The following SGCZ variants were observed in gnomAD, a reference collection of about 807,000 sequenced individuals.
SGCZ encodes sarcoglycan zeta, also known as zeta-sarcoglycan.
Under a neutral mutation model 41.3 loss-of-function variants are expected in SGCZ, and 40 were observed. That is an observed-to-expected ratio of 0.97 (90% confidence interval 0.75 to 1.26). The LOEUF (loss-of-function observed/expected upper bound fraction) is 1.26. SGCZ is among the 50% of genes most tolerant of loss of function. SGCZ has a pLI of 0.00. For synonymous variants in SGCZ, 206 were observed against 137.5 expected, an observed-to-expected ratio of 1.50 and a Z score of -3.49; for missense variants, 552 against 369.8, an observed-to-expected ratio of 1.49 and a Z score of -4.04.
intron 1 of SGCZ, among the ~76,000 whole-genome samples, chr8:14,663,371 G>A (rs940737772): frequency 6.6e-6 from 1 of 152,060 alleles, no homozygotes; most frequent in Non-Finnish European, 1.5e-5. Flanking sequence ...TAGGTGTTAT[G>A]TGGAAACTAT....
At chr8:15,141,093 T>C (rs1358223734) in intron 1 of SGCZ, among the ~76,000 whole-genome samples, 3 of 152,270 alleles carry the variant, frequency 2.0e-5, no homozygotes, top group African/African-American at 4.8e-5. Flanking sequence ...TATGTAATTT[T>C]CACCTTGTTG....
intron 2 of SGCZ, among the ~76,000 whole-genome samples, chr8:14,326,352 A>G (rs904987801): frequency 2.6e-5 from 4 of 152,082 alleles, no homozygotes; most frequent in African/African-American, 9.7e-5. Flanking sequence ...GTAGAATTAT[A>G]TAACATTATG....
intron 4 of SGCZ, among the ~76,000 whole-genome samples, chr8:14,225,223 T>TA (rs1806331389): frequency 6.6e-6 from 1 of 152,148 alleles, no homozygotes; most frequent in African/African-American, 2.4e-5. Flanking sequence ...TTAAGAAGGT[T>TA]ACTCATAGCA....
chr8:15,060,023 C>T (rs1030552984), intron 1 of SGCZ, among the ~76,000 whole-genome samples: 1 of 152,166 alleles, frequency 6.6e-6, no homozygotes, highest in Non-Finnish European at 1.5e-5. Flanking sequence ...AGGCCATTCT[C>T]AGGGCTTTGT....
chr8:14,458,606 C>T (rs1800814700), intron 2 of SGCZ, among the ~76,000 whole-genome samples: 1 of 152,080 alleles, frequency 6.6e-6, no homozygotes, highest in Admixed American at 6.6e-5. Context: ...CAGATAAATA[C>T]ATAGATAAGG....
chr8:14,852,628 C>T (rs1451955304), intron 1 of SGCZ, among the ~76,000 whole-genome samples: 3 of 152,132 alleles, frequency 2.0e-5, no homozygotes, highest in South Asian at 4.1e-4. Flanking sequence ...TTTCCCTGCA[C>T]GCCAGATGCC....
chr8:14,872,572 G>A (rs116812128), intron 1 of SGCZ, among the ~76,000 whole-genome samples: 4,317 of 152,092 alleles, frequency 0.028, 68 homozygotes, highest in Middle Eastern at 0.048. Flanking sequence ...TTCTTTATGA[G>A]CAGAATGCAA....
chr8:14,376,904 G>C (rs576551788), intron 2 of SGCZ, among the ~76,000 whole-genome samples: 1 of 152,122 alleles, frequency 6.6e-6, no homozygotes, highest in Non-Finnish European at 1.5e-5. Flanking sequence ...ATATACCACA[G>C]TGTGATAATA....
chr8:14,270,366 G>T lies in SGCZ; in HGVS notation c.337-32687C>A, dbSNP rs539093865. Among the ~76,000 whole-genome samples, 4 of 151,914 alleles carry T rather than the reference G, an allele frequency of 2.6e-5. No homozygotes were observed. The South Asian group carries it at 6.2e-4, about 24-fold the overall frequency. On this transcript the variant is annotated intron_variant, in intron 3 of 7. Transcript: ENST00000382080. ...ATTAATTAAAAAATTAAATCTAAACGATATGTACAAATTTTACACTTAAGG... is the reference window on the plus strand; with the variant it reads ...ATTAATTAAAAAATTAAATCTAAACTATATGTACAAATTTTACACTTAAGG...
At chr8:14,614,863 T>A (rs146311130) in intron 1 of SGCZ, among the ~76,000 whole-genome samples, 2,003 of 152,258 alleles carry the variant, frequency 0.013, 40 homozygotes, top group African/African-American at 0.045. Flanking sequence ...ATATGTAATG[T>A]TGATGACTAA....
intron 1 of SGCZ, among the ~76,000 whole-genome samples, chr8:15,171,235 G>A (rs773065530): frequency 1.3e-5 from 2 of 152,020 alleles, no homozygotes; most frequent in African/African-American, 4.8e-5. Flanking sequence ...AATCATCATC[G>A]AAGTATATTT....
rs1419856483 is a variant in SGCZ, at chr8:14,528,847, A to T, written c.234+25885T>A. Among the ~76,000 whole-genome samples, 84 of 149,686 alleles carry T rather than the reference A, an allele frequency of 5.6e-4. 2 individuals are homozygous for T. The highest frequency in any genetic ancestry group is 4.9e-3 in the Admixed American group (74 of 15,124). ...CCAGCCAAAAAAAAAACAAAACAAA[A>T]ACAAAAAAAGAGAAAGTGCCAAAAT... On this transcript the variant is annotated intron_variant, in intron 2 of 7. Transcript: ENST00000382080.
At chr8:14,137,541 T>C (rs1275235891) in intron 5 of SGCZ, among the ~76,000 whole-genome samples, 3 of 152,132 alleles carry the variant, frequency 2.0e-5, no homozygotes, top group African/African-American at 7.2e-5. Flanking sequence ...TGCACAAGCT[T>C]CTGTAGATGA....
At chr8:14,150,808 G>A (rs761830942) in intron 5 of SGCZ, among the ~76,000 whole-genome samples, 1 of 152,118 alleles carries the variant, frequency 6.6e-6, no homozygotes, top group African/African-American at 2.4e-5. Context: ...TAAAGAAAAT[G>A]TGGTCCATAT....
chr8:14,713,263 T>C (rs1011021636), intron 1 of SGCZ, among the ~76,000 whole-genome samples: 2 of 152,192 alleles, frequency 1.3e-5, no homozygotes, highest in African/African-American at 4.8e-5. Flanking sequence ...CAAATTAAAA[T>C]TCAAAAACTT....
At chr8:15,211,048 G>GAT (rs1554478394) in intron 1 of SGCZ, among the ~76,000 whole-genome samples, 21 of 142,856 alleles carry the variant, frequency 1.5e-4, no homozygotes, top group South Asian at 8.8e-4. Context: ...TATAGATATA[G>GAT]ATAGATATAG....
chr8:14,424,882 A>C (rs1799735085), intron 2 of SGCZ, among the ~76,000 whole-genome samples: 1 of 152,188 alleles, frequency 6.6e-6, no homozygotes, highest in Non-Finnish European at 1.5e-5. Context: ...AAAATAAATG[A>C]GCAATTTTAG....
At chr8:14,324,042 T>C in intron 3 of SGCZ, 61 bp downstream of exon 3, 1 of 1,196,014 alleles carries the variant, frequency 8.4e-7, no homozygotes, top group East Asian at 2.4e-5. Flanking sequence ...CCCTGCTATT[T>C]CAAGCTAAAA....
chr8:15,080,623 G>C (rs1165064115), intron 1 of SGCZ, among the ~76,000 whole-genome samples: 2 of 151,980 alleles, frequency 1.3e-5, no homozygotes, highest in Non-Finnish European at 2.9e-5. Flanking sequence ...ACAGAGTCTT[G>C]CTCTGTCACC....
Sources: gnomAD v4.1 joint callset for allele counts (sites outside exome capture counted in the v4.1 genomes callset) on GRCh38, gnomAD v4.1.1 for gene constraint, MANE v1.5 for transcripts, NCBI Gene and HGNC (gene_info 2026-07-23, HGNC 2026-07-21) for gene names.